DPYD: variants seen among roughly 807,000 people sequenced by gnomAD.
DPYD encodes dihydropyrimidine dehydrogenase [NADP(+)].
In DPYD, 109 loss-of-function variants were observed where a neutral mutation model predicts 116.2. That is an observed-to-expected ratio of 0.94 (90% CI 0.80 to 1.10). The LOEUF is 1.10. DPYD is among the 50% of genes least tolerant of loss of function. The pLI is 0.00. For synonymous variants in DPYD, 440 were observed against 432.0 expected (o/e 1.02, Z -0.23); for missense variants, 1,302 against 1,254.5 (o/e 1.04, Z -0.57).
intron 14 of DPYD, among the ~76,000 whole-genome samples, chr1:97,426,717 G>C (rs1674886025): frequency 6.6e-6 from 1 of 152,006 alleles, no homozygotes; most frequent in Non-Finnish European, 1.5e-5. Context: ...AGGGTTAATA[G>C]ATATTTTAGT....
chr1:97,550,810 A>G lies in DPYD; in HGVS notation c.1340-1066T>C, dbSNP rs907052325. The stretch of plus-strand genomic sequence containing the variant: ...TGTTGAATTTATTTATGAATCAAGT[A>G]TAACACAAAATAGCCAAATACAAAA... On this transcript the variant is annotated intron_variant, in intron 11 of 22. Coordinates refer to ENST00000370192, the MANE Select transcript of DPYD (RefSeq NM_000110.4). Among the ~76,000 whole-genome samples the G allele has an allele frequency of 3.9e-5, 6 of 152,226 alleles. No homozygotes were observed. In the South Asian group the frequency reaches 1.2e-3, roughly 32 times the overall value.
At chr1:97,594,960 G>T in intron 9 of DPYD, 99 bp downstream of exon 9, 1 of 910,762 alleles carries the variant, frequency 1.1e-6, no homozygotes. Flanking sequence ...GGTTGGGTGT[G>T]AGAGCTGAAC....
intron 20 of DPYD, among the ~76,000 whole-genome samples, chr1:97,163,427 C>T (rs891316608): frequency 2.0e-5 from 3 of 152,154 alleles, no homozygotes; most frequent in Non-Finnish European, 4.4e-5. Flanking sequence ...ACATAGTTTC[C>T]TGTGAACAAT....
chr1:97,290,336 T>C lies in DPYD; in HGVS notation c.2299+14923A>G, dbSNP rs1270956923. ...TCTTCACAGAATTGGAAAAAACTAC[T>C]TTAAAGTTCATATGGAACCAAAAGA... On this transcript the variant is annotated intron_variant, in intron 18 of 22. Transcript: ENST00000370192. Among the ~76,000 whole-genome samples the C allele has an allele frequency of 1.4e-4, 22 of 152,238 alleles. No homozygotes were observed. The East Asian group carries it at 4.3e-3, about 29-fold the overall frequency.
At chr1:97,613,107 T>G (rs564604016) in intron 8 of DPYD, among the ~76,000 whole-genome samples, 1 of 152,174 alleles carries the variant, frequency 6.6e-6, no homozygotes, top group Non-Finnish European at 1.5e-5. Context: ...CTTTCCTTTT[T>G]TCTGCCCTTC....
chr1:97,562,527 A>G (rs1316454617), intron 11 of DPYD, among the ~76,000 whole-genome samples: 1 of 152,188 alleles, frequency 6.6e-6, no homozygotes, highest in Non-Finnish European at 1.5e-5. Context: ...GGAAAAAAAG[A>G]TTAGCACTGG....
intron 14 of DPYD, among the ~76,000 whole-genome samples, chr1:97,422,725 AAC>A (rs1674655732): frequency 6.6e-6 from 1 of 152,136 alleles, no homozygotes; most frequent in African/African-American, 2.4e-5. Context: ...TATTCAAGAA[AAC>A]ATATATGACA....
chr1:97,837,678 T>C (rs1391860997), intron 2 of DPYD, among the ~76,000 whole-genome samples: 1 of 152,160 alleles, frequency 6.6e-6, no homozygotes, highest in African/African-American at 2.4e-5. Context: ...GAATAATAAG[T>C]GATTATCAAT....
At chr1:97,572,030 G>A (rs1325450841) in intron 11 of DPYD, among the ~76,000 whole-genome samples, 2 of 151,820 alleles carry the variant, frequency 1.3e-5, no homozygotes, top group African/African-American at 4.8e-5. Context: ...TCCTGGTAAA[G>A]TTAGTAATTC....
chr1:97,485,427 C>A (rs1678575271), intron 13 of DPYD, among the ~76,000 whole-genome samples: 1 of 152,164 alleles, frequency 6.6e-6, no homozygotes, highest in Non-Finnish European at 1.5e-5. Context: ...GTCTCGAACT[C>A]CTGAGCTCAG....
intron 3 of DPYD, among the ~76,000 whole-genome samples, chr1:97,817,597 C>T (rs956339529): frequency 4.6e-5 from 7 of 151,952 alleles, no homozygotes; most frequent in African/African-American, 1.7e-4. Context: ...TGCCAACGTG[C>T]TTATAAACAA....
intron 14 of DPYD, among the ~76,000 whole-genome samples, chr1:97,403,349 G>A (rs1570676810): frequency 6.6e-6 from 1 of 152,178 alleles, no homozygotes; most frequent in Non-Finnish European, 1.5e-5. Flanking sequence ...CTAAGTTTGA[G>A]ACTATCGGTA....
intron 8 of DPYD, among the ~76,000 whole-genome samples, chr1:97,656,001 G>C (rs1269603259): frequency 6.6e-6 from 1 of 152,098 alleles, no homozygotes; most frequent in Admixed American, 6.6e-5. Flanking sequence ...TAGAAATAAA[G>C]GCTTAGAAGA....
intron 13 of DPYD, among the ~76,000 whole-genome samples, chr1:97,473,344 G>A (rs962556138): frequency 2.0e-5 from 3 of 152,140 alleles, no homozygotes; most frequent in African/African-American, 4.8e-5. Context: ...TCCATGTGTA[G>A]GCATACATAC....
At chr1:97,652,574 G>C (rs1047862919) in intron 8 of DPYD, among the ~76,000 whole-genome samples, 1 of 152,112 alleles carries the variant, frequency 6.6e-6, no homozygotes, top group Non-Finnish European at 1.5e-5. Flanking sequence ...GAAGAATTCA[G>C]AGTAAATAAG....
At chr1:97,849,529 C>T (rs911279388) in intron 2 of DPYD, among the ~76,000 whole-genome samples, 12 of 150,032 alleles carry the variant, frequency 8.0e-5, no homozygotes, top group African/African-American at 1.7e-4. Context: ...GCTGAGAAAA[C>T]GGAAGCCCGG....
intron 15 of DPYD, among the ~76,000 whole-genome samples, chr1:97,380,434 T>A (rs1224873068): frequency 6.6e-6 from 1 of 152,162 alleles, no homozygotes; most frequent in South Asian, 2.1e-4. Flanking sequence ...CATGACAAAT[T>A]CAAACCAGGT....
At chr1:97,174,728 GT>G (rs1467264073) in intron 20 of DPYD, among the ~76,000 whole-genome samples, 1 of 152,026 alleles carries the variant, frequency 6.6e-6, no homozygotes, top group African/African-American at 2.4e-5. Flanking sequence ...TTATCCTATA[GT>G]TTCTTTCAGA....
chr1:97,664,174 A>G (rs1260902653), intron 8 of DPYD, among the ~76,000 whole-genome samples: 1 of 152,068 alleles, frequency 6.6e-6, no homozygotes, highest in Non-Finnish European at 1.5e-5. Context: ...GAGAATGAAG[A>G]TAATTTATTT....
Sources: allele counts gnomAD v4.1 joint callset (sites outside exome capture counted in the v4.1 genomes callset), GRCh38; gene constraint gnomAD v4.1.1; transcripts MANE v1.5; gene names NCBI Gene and HGNC (gene_info 2026-07-23, HGNC 2026-07-21).